The following AKT1S1 variants were observed in gnomAD, a reference collection of about 807,000 sequenced individuals.
AKT1S1 encodes AKT1 substrate 1.
Under a neutral mutation model 21.2 loss-of-function variants are expected in AKT1S1, and 17 were observed. That is an observed-to-expected ratio of 0.80 (90% confidence interval 0.55 to 1.20). AKT1S1 has a LOEUF of 1.20. Ranked by LOEUF, AKT1S1 falls within the 50% of genes most tolerant of loss-of-function variation. The pLI is 0.00. For synonymous variants in AKT1S1, 181 were observed against 165.6 expected (o/e 1.09, Z -0.72); for missense variants, 366 against 368.3 (o/e 0.99, Z 0.05).
Position 49,873,378 on chromosome 19 carries a change from C to A in AKT1S1, c.-7-76G>T. The A allele has an allele frequency of 7.3e-7, 1 of 1,376,006 alleles. No individual in the cohort carries two copies. Among genetic ancestry groups the A allele is most frequent in the South Asian group, 1.6e-5 (1 of 62,014 alleles). 85.2% of individuals were successfully genotyped at this position (1,376,006 alleles called of 1,614,324 possible). A position where few individuals can be genotyped will look rare whatever the true frequency, so the allele number is the denominator to read the frequency against. On this transcript the variant is annotated intron_variant, in intron 1 of 4. Coordinates refer to ENST00000344175, the MANE Select transcript of AKT1S1 (RefSeq NM_001098633.4). The surrounding 1 kb of genome is among the most constrained non-coding windows in gnomAD (Gnocchi z 6.9). ...TCGCCACCCACTCAGAGTGCCCGCC[C>A]GTCCCCTGGATGGCACTCACCACCC...
In AKT1S1 at chr19:49,872,790, G is replaced by A. The variant is rs187971176; in HGVS notation, c.379+127C>T. ...CAGCAAGCCCCAGGCAAGCCTGTCT[G>A]GCTCTGGGGTCCTGAGACTGCACTT... On this transcript the variant is annotated intron_variant, in intron 2 of 4. Transcript: ENST00000344175. The A allele has an allele frequency of 9.7e-4, 1,124 of 1,161,572 alleles. 12 individuals carry two copies. In the African/African-American group the frequency reaches 0.016, roughly 17 times the overall value. The allele number at this position is 1,161,572 out of a possible 1,614,324, so 72.0% of individuals were successfully genotyped here.
rs1025236855 is a variant in AKT1S1, at chr19:49,869,519, T to G, written c.*398A>C. The G allele has an allele frequency of 6.1e-6, 1 of 163,800 alleles. No homozygotes were observed. Among genetic ancestry groups the G allele is most frequent in the African/African-American group, 2.4e-5 (1 of 41,870 alleles). The allele number at this position is 163,800 out of a possible 1,614,324, so 10.1% of individuals were successfully genotyped here. A position where few individuals can be genotyped will look rare whatever the true frequency, so the allele number is the denominator to read the frequency against. On this transcript the variant is annotated 3_prime_UTR_variant, in exon 5 of 5. Transcript: ENST00000344175. ...GACTATGTAGAGACTGGTCAAGCCC[T>G]TTACAGGATTTGAGCCAATCAAAAA...
Position 49,870,564 on chromosome 19 carries a change from T to C in AKT1S1, c.628-504A>G, listed in dbSNP as rs559697610. Among the ~76,000 whole-genome samples the C allele has an allele frequency of 4.6e-5, 7 of 152,288 alleles. No individual in the cohort carries two copies. The East Asian group carries it at 1.2e-3, about 25-fold the overall frequency. The stretch of plus-strand genomic sequence containing the variant: ...CTGCCTTATCATGTGGCCACTGCGC[T>C]ACAGAAAAGATCCCTCGCTGTGTCA... On this transcript the variant is annotated intron_variant, in intron 4 of 4. Transcript: ENST00000344175.
intron 1 of AKT1S1, chr19:49,876,558 C>T: frequency 6.7e-7 from 1 of 1,487,682 alleles, no homozygotes; most frequent in East Asian, 2.6e-5. Context: ...CTCAGGACGG[C>T]CAAATCCTCC....
At chr19:49,877,675 C>G, upstream of AKT1S1, 1 of 1,587,466 alleles carries the variant, frequency 6.3e-7, no homozygotes, top group Non-Finnish European at 8.6e-7. Context: ...TGACAACACG[C>G]TGACTAGGAA....
At chr19:49,877,746 T>C, upstream of AKT1S1, 2 of 1,594,736 alleles carry the variant, frequency 1.3e-6, no homozygotes, top group Non-Finnish European at 1.7e-6. Context: ...GGCTACAGGG[T>C]AAGCACTGAG....
chr19:49,876,135 A>T, intron 1 of AKT1S1: 1 of 992,880 alleles, frequency 1.0e-6, no homozygotes, highest in African/African-American at 1.7e-5. Context: ...GAACCTGAGC[A>T]TGAACGCGGT....
Position 49,871,600 on chromosome 19 carries a change from C to T in AKT1S1, c.574G>A (p.Gly192Ser), listed in dbSNP as rs377664945. The change falls in exon 4 of 5, where the codon GGC becomes AGC. Residue 192 changes from glycine to serine, a missense_variant. By Grantham distance (56) the Gly-to-Ser change is moderately conservative. Transcript: ENST00000344175. The stretch of plus-strand genomic sequence containing the variant: ...GCCTCTGTCCTCTTCTCCTTGAAGC[C>T]CCAGACGGGCACAGACACAGGCAGG... Reference protein sequence around the residue: ...KSLPVSVPVWGFKEKRTEARS... With the variant: ...KSLPVSVPVWSFKEKRTEARS... 1.4e-5 allele frequency: 22 copies of T among 1,613,964 alleles called. No homozygotes were observed. Among genetic ancestry groups the T allele is most frequent in the Non-Finnish European group, 1.9e-5 (22 of 1,180,030 alleles).
chr19:49,876,578 G>C (rs1181022552), intron 1 of AKT1S1: 1 of 1,496,018 alleles, frequency 6.7e-7, no homozygotes, highest in African/African-American at 1.4e-5. Flanking sequence ...CCCACACCGC[G>C]GTTAACAACG....
intron 1 of AKT1S1, chr19:49,876,044 G>T: frequency 1.0e-6 from 1 of 985,474 alleles, no homozygotes; most frequent in South Asian, 4.7e-5. Flanking sequence ...GATGCAGGGA[G>T]GAGGGAAAAG....
At chr19:49,871,419 T>C (rs1250220796) in intron 4 of AKT1S1, 128 bp downstream of exon 4, 7 of 1,296,586 alleles carry the variant, frequency 5.4e-6, no homozygotes, top group Non-Finnish European at 7.6e-6. Flanking sequence ...AACTCGCCTC[T>C]TGAGGTTGAG....
rs756718257 is a variant in AKT1S1, at chr19:49,871,862, G to A, written c.407C>T (p.Thr136Ile). ...ACAGAAGGGGGGAAGGTCCTGGAGGGTGGCGTCCTCATCCATCACAAAGAG... is the reference window on the plus strand; with the variant it reads ...ACAGAAGGGGGGAAGGTCCTGGAGGATGGCGTCCTCATCCATCACAAAGAG... ...GGLFVMDEDA[T>I]LQDLPPFCES... The change falls in exon 3 of 5, where the codon ACC (threonine) becomes ATC (isoleucine). Residue 136 changes from threonine (T) to isoleucine (I), a missense_variant. Physicochemically the swap from Thr to Ile is moderately conservative, Grantham distance 89. Coordinates refer to ENST00000344175, the MANE Select transcript of AKT1S1 (RefSeq NM_001098633.4). 5.2e-5 allele frequency: 84 copies of A among 1,612,930 alleles called. No individual in the cohort carries two copies. The highest frequency in any genetic ancestry group is 7.0e-5 in the Non-Finnish European group (83 of 1,179,642).
chr19:49,876,706 A>C (rs2074950832), intron 1 of AKT1S1: 2 of 1,423,632 alleles, frequency 1.4e-6, no homozygotes, highest in Non-Finnish European at 1.9e-6. Context: ...CTCTCCGCAC[A>C]CTCCGCCTCC....
Position 49,873,177 on chromosome 19 carries a change from C to T in AKT1S1, c.119G>A (p.Arg40His), listed in dbSNP as rs752926758. 46 of 1,532,916 alleles carry T rather than the reference C, an allele frequency of 3.0e-5. No homozygotes were observed. The South Asian group carries it at 3.3e-4, about 11-fold the overall frequency. 95.0% of individuals were successfully genotyped at this position (1,532,916 alleles called of 1,614,324 possible). A position where few individuals can be genotyped will look rare whatever the true frequency, so the allele number is the denominator to read the frequency against. ...LLTAAPPPPP[R>H]PGPCAYAAHG... ...GGCAGCATAGGCACAGGGGCCCGGG[C>T]GGGGTGGTGGCGGCGGGGCCGCGGT... Residue 40 changes from arginine to histidine, a missense_variant, in exon 2 of 5, where the codon CGC (arginine) becomes CAC (histidine). Arg to His is a conservative substitution (Grantham distance 29). Coordinates refer to ENST00000344175, the MANE Select transcript of AKT1S1 (RefSeq NM_001098633.4). The surrounding 1 kb of genome is among the most constrained non-coding windows in gnomAD (Gnocchi z 6.9).
chr19:49,878,105 G>T (rs752183948), upstream of AKT1S1: 1 of 1,530,242 alleles, frequency 6.5e-7, no homozygotes, highest in Non-Finnish European at 8.9e-7. Flanking sequence ...TGGTCCCCTC[G>T]CTTGGGCCCC....
upstream of AKT1S1, chr19:49,877,927 C>A (rs1473832059): frequency 2.4e-5 from 19 of 793,330 alleles, no homozygotes; most frequent in Admixed American, 5.5e-4. Context: ...ATGGCCCCGC[C>A]CCCCCGGCTC....
At chr19:49,877,970 C>T (rs1465450019), upstream of AKT1S1, 2 of 712,972 alleles carry the variant, frequency 2.8e-6, no homozygotes, top group East Asian at 2.8e-5. Context: ...CCCTGTGGAA[C>T]GCACGTCAGC....
upstream of AKT1S1, chr19:49,877,735 C>A (rs755734419): frequency 1.3e-6 from 2 of 1,598,280 alleles, no homozygotes; most frequent in Non-Finnish European, 1.7e-6. Context: ...TGGAAGGAGC[C>A]GGCTACAGGG....
In AKT1S1 at chr19:49,873,658, A is replaced by G; in HGVS notation, c.-7-356T>C. The G allele has an allele frequency of 4.0e-6, 1 of 252,240 alleles. No individual in the cohort carries two copies. The highest frequency in any genetic ancestry group is 7.5e-6 in the Non-Finnish European group (1 of 132,604). 15.6% of individuals were successfully genotyped at this position (252,240 alleles called of 1,614,324 possible). On this transcript the variant is annotated intron_variant, in intron 1 of 4. Coordinates refer to ENST00000344175, the MANE Select transcript of AKT1S1 (RefSeq NM_001098633.4). The surrounding 1 kb of genome is among the most constrained non-coding windows in gnomAD (Gnocchi z 6.9). The stretch of plus-strand genomic sequence containing the variant: ...AGAGAGTCCTAGCAGAGAGGCCTCT[A>G]ACAATAAAACCTGCACTGGGTTCTG...
Sources: gnomAD v4.1 joint callset for allele counts (sites outside exome capture counted in the v4.1 genomes callset) on GRCh38, gnomAD v4.1.1 for gene constraint, Gnocchi (gnomAD v3.1) non-coding constraint, MANE v1.5 for transcripts, NCBI Gene and HGNC (gene_info 2026-07-23, HGNC 2026-07-21) for gene names.